Variants in PCDH9 observed in about 807,000 individuals in gnomAD.
The protein encoded by PCDH9 is protocadherin-9.
Under a neutral mutation model 70.6 loss-of-function variants are expected in PCDH9, and 24 were observed. That is an observed-to-expected ratio of 0.34 (90% CI 0.25 to 0.48). PCDH9 has a LOEUF of 0.48. Among genes scored for constraint, PCDH9 ranks in the 20% least tolerant of loss-of-function variants. The pLI is 0.99. For missense variants in PCDH9, 1,281 were observed against 1,503.6 expected (o/e 0.85, Z 2.45); for synonymous variants, 562 against 558.5 (o/e 1.01, Z -0.09).
chr13:66,972,912 C>A (rs2083549992), intron 2 of PCDH9, among the ~76,000 whole-genome samples: 1 of 151,988 alleles, frequency 6.6e-6, no homozygotes, highest in Admixed American at 6.6e-5. Context: ...TAGTCACTTT[C>A]TTTTCTTTGC....
chr13:66,471,432 T>C (rs1038029696), intron 4 of PCDH9, among the ~76,000 whole-genome samples: 2 of 152,192 alleles, frequency 1.3e-5, no homozygotes, highest in Admixed American at 1.3e-4. Context: ...TCTGAAAAAA[T>C]AAAAGTTGAG....
intron 4 of PCDH9, among the ~76,000 whole-genome samples, chr13:66,480,995 T>C (rs1363006062): frequency 6.6e-6 from 1 of 151,914 alleles, no homozygotes; most frequent in Non-Finnish European, 1.5e-5. Flanking sequence ...AAAGGATGAG[T>C]TCATGTCCTT....
intron 4 of PCDH9, among the ~76,000 whole-genome samples, chr13:66,429,186 G>A (rs2138370450): frequency 6.6e-6 from 1 of 151,910 alleles, no homozygotes; most frequent in Non-Finnish European, 1.5e-5. Context: ...AGCAAAGAAG[G>A]AGACTGTATT....
intron 2 of PCDH9, among the ~76,000 whole-genome samples, chr13:66,971,416 G>T (rs1258476922): frequency 6.6e-6 from 1 of 151,838 alleles, no homozygotes; most frequent in East Asian, 1.9e-4. Flanking sequence ...TTTAAAAATC[G>T]CATTTTCCTG....
intron 2 of PCDH9, among the ~76,000 whole-genome samples, chr13:67,095,092 A>G (rs1594504705): frequency 6.6e-6 from 1 of 152,128 alleles, no homozygotes; most frequent in Non-Finnish European, 1.5e-5. Flanking sequence ...TATTCTTTCA[A>G]ATCGTTTTGT....
Position 66,466,510 on chromosome 13 carries a change from C to T in PCDH9, c.3341-161482G>A, listed in dbSNP as rs1318304351. 3.9e-5 allele frequency among the ~76,000 whole-genome samples: 6 copies of T among 152,024 alleles called. No individual in the cohort carries two copies. In the South Asian group the frequency reaches 8.3e-4, roughly 21 times the overall value. The stretch of plus-strand genomic sequence containing the variant: ...ATCTCCATGGCGTGCAGAGTCTAAG[C>T]CTTCTGAGGACTTCTCAGGTAGTAC... On this transcript the variant is annotated intron_variant, in intron 4 of 4. Coordinates refer to ENST00000377865, the MANE Select transcript of PCDH9 (RefSeq NM_203487.3).
intron 3 of PCDH9, among the ~76,000 whole-genome samples, chr13:66,894,519 C>A (rs545442293): frequency 6.6e-6 from 1 of 152,184 alleles, no homozygotes; most frequent in South Asian, 2.1e-4. Context: ...GTATAACATT[C>A]TTCTGCTATA....
chr13:66,406,685 A>C (rs1029189063), intron 4 of PCDH9, among the ~76,000 whole-genome samples: 4 of 152,160 alleles, frequency 2.6e-5, no homozygotes, highest in Non-Finnish European at 4.4e-5. Context: ...ATTACTTAGA[A>C]CTTAAACCCT....
chr13:66,726,852 T>C (rs2079012100), intron 3 of PCDH9, among the ~76,000 whole-genome samples: 1 of 152,218 alleles, frequency 6.6e-6, no homozygotes, highest in Non-Finnish European at 1.5e-5. Flanking sequence ...AGACTGCTGA[T>C]TATCTCAAAT....
chr13:66,735,346 G>A (rs1458220836), intron 3 of PCDH9, among the ~76,000 whole-genome samples: 2 of 152,128 alleles, frequency 1.3e-5, no homozygotes, highest in African/African-American at 4.8e-5. Flanking sequence ...ATGAAATAGA[G>A]AGATTTGTGA....
chr13:66,738,841 T>C (rs1231214386), intron 3 of PCDH9, among the ~76,000 whole-genome samples: 2 of 151,048 alleles, frequency 1.3e-5, no homozygotes, highest in Non-Finnish European at 3.0e-5. Context: ...TGGGACTATG[T>C]GAAAAGACCA....
intron 4 of PCDH9, among the ~76,000 whole-genome samples, chr13:66,357,358 T>C (rs1956400951): frequency 6.6e-6 from 1 of 152,078 alleles, no homozygotes; most frequent in Non-Finnish European, 1.5e-5. Flanking sequence ...GATCAATGAA[T>C]TTCTTCAGGG....
intron 4 of PCDH9, among the ~76,000 whole-genome samples, chr13:66,321,922 C>A (rs139952683): frequency 6.6e-6 from 1 of 151,782 alleles, no homozygotes; most frequent in East Asian, 1.9e-4. Flanking sequence ...AGCTTCAGTG[C>A]CAATGGACTA....
intron 3 of PCDH9, among the ~76,000 whole-genome samples, chr13:66,632,453 G>T (rs2077584016): frequency 1.3e-5 from 2 of 152,124 alleles, no homozygotes; most frequent in African/African-American, 4.8e-5. Flanking sequence ...TGGCTACACT[G>T]GTAGTAGAAT....
intron 4 of PCDH9, among the ~76,000 whole-genome samples, chr13:66,612,655 C>T (rs1415746478): frequency 6.6e-6 from 1 of 152,066 alleles, no homozygotes; most frequent in African/African-American, 2.4e-5. Context: ...GAGGGGATCC[C>T]TGAAGAAACT....
At chr13:66,763,443 G>A (rs1451262911) in intron 3 of PCDH9, among the ~76,000 whole-genome samples, 1 of 151,748 alleles carries the variant, frequency 6.6e-6, no homozygotes, top group Non-Finnish European at 1.5e-5. Context: ...ATTCCACTAG[G>A]GCCAATAGAA....
chr13:67,157,199 A>T (rs1366786041), intron 2 of PCDH9, among the ~76,000 whole-genome samples: 1 of 152,186 alleles, frequency 6.6e-6, no homozygotes. Flanking sequence ...ATATATCTTA[A>T]CTGTATCACA....
chr13:66,314,852 G>A (rs1175609432), intron 4 of PCDH9, among the ~76,000 whole-genome samples: 1 of 152,172 alleles, frequency 6.6e-6, no homozygotes, highest in Non-Finnish European at 1.5e-5. Flanking sequence ...TGATAAGATT[G>A]AACCAGTGAT....
intron 3 of PCDH9, among the ~76,000 whole-genome samples, chr13:66,723,557 T>C (rs1353063112): frequency 2.6e-5 from 4 of 152,164 alleles, no homozygotes; most frequent in African/African-American, 9.7e-5. Flanking sequence ...AGCAAAGCAT[T>C]GACTGTGGTT....
Sources: allele counts gnomAD v4.1 joint callset (sites outside exome capture counted in the v4.1 genomes callset), GRCh38; gene constraint gnomAD v4.1.1; transcripts MANE v1.5; gene names NCBI Gene and HGNC (gene_info 2026-07-23, HGNC 2026-07-21).